Variants in CACNA1D observed in about 807,000 individuals in gnomAD.
The protein encoded by CACNA1D is voltage-dependent L-type calcium channel subunit alpha-1D.
A neutral mutation model predicts 257.1 loss-of-function variants in CACNA1D; 55 were observed. The ratio of observed to expected loss-of-function variants is 0.21; its 90% CI spans 0.17 to 0.27. The LOEUF (loss-of-function observed/expected upper bound fraction) is 0.27, where lower values mean the gene tolerates loss of function less well. Among genes scored for constraint, CACNA1D ranks in the 10% least tolerant of loss-of-function variants. CACNA1D has a pLI of 1.00. For missense variants in CACNA1D, 1,876 were observed against 2,784.0 expected (o/e 0.67, Z 7.34); for synonymous variants, 980 against 1,014.9 (o/e 0.97, Z 0.65).
intron 11 of CACNA1D, among the ~76,000 whole-genome samples, chr3:53,720,626 G>A (rs916300941): frequency 2.6e-5 from 4 of 152,238 alleles, no homozygotes; most frequent in African/African-American, 9.6e-5. Flanking sequence ...GAGAAGAGAT[G>A]TGGATGGCAG....
Position 53,800,968 on chromosome 3 carries a change from T to A in CACNA1D, c.5041-90T>A, listed in dbSNP as rs2095533535. 7.7e-7 allele frequency: 1 copy of A among 1,297,266 alleles called. No homozygotes were observed. Among genetic ancestry groups the A allele is most frequent in the Non-Finnish European group, 1.1e-6 (1 of 895,794 alleles). The allele number at this position is 1,297,266 out of a possible 1,614,324, so 80.4% of individuals were successfully genotyped here. ...GATCCTACGGAGCTTGCCTAGAATT[T>A]GTTTTTCATGTAGAAAAAGTTACCT... On this transcript the variant is annotated intron_variant, in intron 41 of 47. Transcript: ENST00000350061. This position sits in a 1 kb window ranked among gnomAD's most constrained non-coding sequence, Gnocchi z 4.3.
intron 3 of CACNA1D, among the ~76,000 whole-genome samples, chr3:53,508,393 C>T (rs182611688): frequency 1.4e-4 from 22 of 152,166 alleles, no homozygotes; most frequent in African/African-American, 5.3e-4. Flanking sequence ...ACAAGTCGCA[C>T]AGGTTTGTTG....
intron 3 of CACNA1D, among the ~76,000 whole-genome samples, chr3:53,616,835 AG>A (rs2093642617): frequency 2.7e-5 from 4 of 149,284 alleles, no homozygotes; most frequent in South Asian, 2.1e-4. Context: ...TCTGGGTTTG[AG>A]GGTTGAGATA....
intron 45 of CACNA1D, among the ~76,000 whole-genome samples, chr3:53,807,106 A>G (rs951313244): frequency 4.6e-5 from 7 of 152,140 alleles, no homozygotes; most frequent in Admixed American, 3.3e-4. Flanking sequence ...CTGCAGGGGG[A>G]TTCCCTCCTC....
intron 3 of CACNA1D, among the ~76,000 whole-genome samples, chr3:53,544,366 G>C (rs565516083): frequency 6.6e-6 from 1 of 152,148 alleles, no homozygotes; most frequent in African/African-American, 2.4e-5. Flanking sequence ...GGCTTTCACA[G>C]ATGGGCAAGG....
At chr3:53,626,544 C>A (rs1005409173) in intron 3 of CACNA1D, among the ~76,000 whole-genome samples, 7 of 151,256 alleles carry the variant, frequency 4.6e-5, no homozygotes, top group Non-Finnish European at 1.0e-4. Flanking sequence ...TAACCTGAGC[C>A]GAGGCCCTGA....
Position 53,774,404 on chromosome 3 carries a change from G to A in CACNA1D, c.4111-183G>A, listed in dbSNP as rs1261638081. 1.6e-6 allele frequency: 1 copy of A among 614,712 alleles called. No individual in the cohort carries two copies. Among genetic ancestry groups the A allele is most frequent in the African/African-American group, 1.8e-5 (1 of 54,524 alleles). The allele number at this position is 614,712 out of a possible 1,614,324, so 38.1% of individuals were successfully genotyped here. ...CCCTCTGGAGCACCACGTTCCCAGT[G>A]TGTAACCTGCTGCCTGGCACATGGT... is the stretch of plus-strand genomic sequence containing the variant. On this transcript the variant is annotated intron_variant, in intron 33 of 47. Transcript: ENST00000350061. This position sits in a 1 kb window ranked among gnomAD's most constrained non-coding sequence, Gnocchi z 4.3.
rs1244608527 is a variant in CACNA1D, at chr3:53,808,698, C to A, written c.5799C>A (p.Ser1933Arg). 1 of 1,609,498 alleles carries A rather than the reference C, an allele frequency of 6.2e-7. No individual in the cohort carries two copies. Residue 1933 changes from serine (S) to arginine (R), a missense_variant, in exon 46 of 48, where the codon AGC becomes AGA. By Grantham distance (110) the Ser-to-Arg change is moderately radical. Coordinates refer to ENST00000350061, the MANE Select transcript of CACNA1D (RefSeq NM_001128840.3). ...FNFECLRRQS[S>R]QEEVPSSPIF... ...TTGAGTGCCTGCGCCGGCAGAGCAG[C>A]CAGGAAGAGGTCCCGTCGTCTCCCA...
intron 2 of CACNA1D, among the ~76,000 whole-genome samples, chr3:53,499,455 AG>A (rs1214460374): frequency 6.6e-6 from 1 of 152,146 alleles, no homozygotes; most frequent in Non-Finnish European, 1.5e-5. Context: ...TTTTACAGAC[AG>A]GCATGACAGA....
At chr3:53,501,276 T>G (rs1290344296) in intron 2 of CACNA1D, among the ~76,000 whole-genome samples, 4 of 152,218 alleles carry the variant, frequency 2.6e-5, no homozygotes, top group Non-Finnish European at 5.9e-5. Context: ...CTTGTCACTT[T>G]TAAACCTGTA....
At chr3:53,652,755 AT>A (rs1426151316) in intron 4 of CACNA1D, among the ~76,000 whole-genome samples, 2 of 152,222 alleles carry the variant, frequency 1.3e-5, no homozygotes, top group Admixed American at 1.3e-4. Flanking sequence ...CCTGCCACCT[AT>A]TTTTATAAAT....
chr3:53,694,477 C>T (rs1268170369), intron 8 of CACNA1D, among the ~76,000 whole-genome samples: 2 of 152,172 alleles, frequency 1.3e-5, no homozygotes, highest in Non-Finnish European at 2.9e-5. Flanking sequence ...AGCCACAGCC[C>T]CACGGAAGGG....
chr3:53,564,485 G>A (rs9829098), intron 3 of CACNA1D, among the ~76,000 whole-genome samples: 7,909 of 152,110 alleles, frequency 0.052, 723 homozygotes, highest in African/African-American at 0.18. Flanking sequence ...TATGTGCTCT[G>A]GATACTGATC....
At chr3:53,805,182 C>T (rs371823136) in intron 45 of CACNA1D, 36 bp downstream of exon 45, 51 of 1,599,772 alleles carry the variant, frequency 3.2e-5, no homozygotes, top group Admixed American at 1.2e-4. Flanking sequence ...TGGAACCTCC[C>T]GGGGAACAGT....
In CACNA1D at chr3:53,803,543, C is replaced by T. The variant is rs537951380; in HGVS notation, c.5556C>T (p.Tyr1852=). 1.1e-5 allele frequency: 18 copies of T among 1,614,148 alleles called. No homozygotes were observed. The highest frequency in any genetic ancestry group is 2.2e-5 in the East Asian group (1 of 44,884). Residue 1852 remains tyrosine (Y), a synonymous_variant, in exon 44 of 48, where the codon TAC becomes TAT. Coordinates refer to ENST00000350061, the MANE Select transcript of CACNA1D (RefSeq NM_001128840.3). ...AGTATTTCAGTAGTGAGGAATGCTA[C>T]GAGGATGACAGCTCGCCCACCTGGA... is the stretch of plus-strand genomic sequence containing the variant. The part of the protein sequence containing the change: ...EQEYFSSEEC[Y]EDDSSPTWSR...
At chr3:53,752,602 T>C (rs1386839397) in intron 28 of CACNA1D, among the ~76,000 whole-genome samples, 1 of 152,206 alleles carries the variant, frequency 6.6e-6, no homozygotes, top group Non-Finnish European at 1.5e-5. Context: ...TTTCACCACG[T>C]TGGCCAGGCT....
At chr3:53,738,573 A>G (rs1015310470) in intron 20 of CACNA1D, among the ~76,000 whole-genome samples, 2 of 152,158 alleles carry the variant, frequency 1.3e-5, no homozygotes, top group Admixed American at 6.5e-5. Flanking sequence ...TTGACAAGGG[A>G]TTAATTTACA....
At chr3:53,575,281 G>C (rs888006951) in intron 3 of CACNA1D, among the ~76,000 whole-genome samples, 10 of 152,220 alleles carry the variant, frequency 6.6e-5, no homozygotes, top group African/African-American at 2.4e-4. Flanking sequence ...TGCAGGTCAA[G>C]GTCAGGGGAG....
chr3:53,638,243 A>C (rs1470962302), intron 3 of CACNA1D, among the ~76,000 whole-genome samples: 1 of 152,052 alleles, frequency 6.6e-6, no homozygotes, highest in Non-Finnish European at 1.5e-5. Context: ...AACCATAGAG[A>C]GTTTTTCTGG....
Sources: allele counts gnomAD v4.1 joint callset (sites outside exome capture counted in the v4.1 genomes callset), GRCh38; gene constraint gnomAD v4.1.1; non-coding constraint Gnocchi (gnomAD v3.1); transcripts MANE v1.5; gene names NCBI Gene and HGNC (gene_info 2026-07-23, HGNC 2026-07-21).